The following ADGRD2 variants were observed in gnomAD, a reference collection of about 807,000 sequenced individuals.
The protein encoded by ADGRD2 is G protein-coupled receptor PGR24.
A neutral mutation model predicts 44.4 loss-of-function variants in ADGRD2; 71 were observed. That is an observed-to-expected ratio of 1.60 (90% CI 1.32 to 1.95). The LOEUF (loss-of-function observed/expected upper bound fraction) is 1.95, where lower values mean the gene tolerates loss of function less well. Ranked by LOEUF, ADGRD2 falls within the 30% of genes most tolerant of loss-of-function variation. The probability of loss-of-function intolerance (pLI) is 0.00; values close to 1 mark genes in which losing one functional copy is unlikely to be tolerated. For missense variants in ADGRD2, 1,039 were observed against 512.4 expected (o/e 2.03, Z -9.92); for synonymous variants, 481 against 224.8 (o/e 2.14, Z -10.19).
chr9:124,457,543 C>T (rs146932394), exon 8 of ADGRD2: 8 of 688,164 alleles, frequency 1.2e-5, no homozygotes, highest in East Asian at 2.7e-5. Flanking sequence ...GCCTGGTGGG[C>T]GTCCAGAGGG....
chr9:124,456,937 T>G (rs1380686463), intron 7 of ADGRD2, among the ~76,000 whole-genome samples: 1 of 152,126 alleles, frequency 6.6e-6, no homozygotes, highest in Non-Finnish European at 1.5e-5. Context: ...TGGGCCTCAC[T>G]CCCTCTAGGA....
chr9:124,469,316 C>T lies in ADGRD2; in HGVS notation c.2484C>T (p.Ala828=), dbSNP rs202133267. 4.0e-4 allele frequency: 288 copies of T among 718,340 alleles called. 1 individual carries two copies. Among genetic ancestry groups the T allele is most frequent in the Admixed American group, 2.4e-3 (122 of 50,032 alleles). The allele number at this position is 718,340 out of a possible 1,614,324, so 44.5% of individuals were successfully genotyped here. Residue 828 remains alanine (A), a synonymous_variant, in exon 15 of 22, where the codon GCC becomes GCT. Coordinates refer to ENST00000334810, the Ensembl canonical transcript of ADGRD2. The stretch of plus-strand genomic sequence containing the variant: ...GCTGGCTCAATGTGCACACAAATGC[C>T]ATCTGGGCCTTCGTGGGGCCTGTGC...
At chr9:124,467,759 A>T (rs1564141944) in exon 12 of ADGRD2, 3 of 718,482 alleles carry the variant, frequency 4.2e-6, no homozygotes, top group Non-Finnish European at 5.2e-6. Flanking sequence ...GGACTCTGTC[A>T]TTTGTGGGCT....
intron 10 of ADGRD2, among the ~76,000 whole-genome samples, chr9:124,459,654 G>GTA (rs1157735471): frequency 1.3e-5 from 2 of 152,120 alleles, no homozygotes; most frequent in Non-Finnish European, 2.9e-5. Flanking sequence ...AAACAAGACA[G>GTA]TATAACAGCT....
At chr9:124,456,717 C>A (rs1426767814) in exon 7 of ADGRD2, 1 of 709,488 alleles carries the variant, frequency 1.4e-6, no homozygotes. Context: ...GAATGCGCAT[C>A]CAGCACCGCC....
rs1275035620 is a variant in ADGRD2, at chr9:124,466,432, G to C, written c.2026+19G>C. 9.0e-6 allele frequency: 6 copies of C among 667,896 alleles called. No individual in the cohort carries two copies. In the East Asian group the frequency reaches 1.7e-4, roughly 19 times the overall value. 41.4% of individuals were successfully genotyped at this position (667,896 alleles called of 1,614,324 possible). On this transcript the variant is annotated intron_variant, in intron 11 of 21. Coordinates refer to ENST00000334810, the Ensembl canonical transcript of ADGRD2. ...AGTACAGGTGAGTGCACGGTGGGAG[G>C]GGGGTGTCAGGAGGGGGCTTCTTAG...
At chr9:124,457,477 G>C in exon 8 of ADGRD2, 1 of 627,620 alleles carries the variant, frequency 1.6e-6, no homozygotes, top group South Asian at 1.8e-5. Flanking sequence ...CCCAGGCCTG[G>C]AGGTGCGGAG....
chr9:124,453,187 G>A (rs987686700), exon 3 of ADGRD2: 1 of 686,426 alleles, frequency 1.5e-6, no homozygotes, highest in East Asian at 2.8e-5. Context: ...GCTCTTCTCC[G>A]TTGCCGCGCC....
At chr9:124,477,432 C>T (rs1003883493) in intron 21 of ADGRD2, among the ~76,000 whole-genome samples, 11 of 152,232 alleles carry the variant, frequency 7.2e-5, no homozygotes, top group African/African-American at 1.9e-4. Flanking sequence ...CTCCCAGGGG[C>T]AGGTTCAGTG....
intron 17 of ADGRD2, among the ~76,000 whole-genome samples, chr9:124,475,217 G>C (rs1246264833): frequency 1.3e-5 from 2 of 152,226 alleles, no homozygotes; most frequent in African/African-American, 4.8e-5. Flanking sequence ...CTGAAGGCTG[G>C]GGTTGCACTG....
chr9:124,471,991 G>A (rs1831953194), intron 17 of ADGRD2, among the ~76,000 whole-genome samples: 2 of 152,324 alleles, frequency 1.3e-5, no homozygotes, highest in South Asian at 4.1e-4. Context: ...CTGTCACACG[G>A]TGGGGCAGGT....
rs1370198350 is a variant in ADGRD2, at chr9:124,457,457, C to T, written c.1506-15C>T. ...TCACTCCGAGGTCCAGCCACCCAGC[C>T]CCATTTACCCCCAGGCCTGGAGGTG... On this transcript the variant is annotated splice_polypyrimidine_tract_variant and intron_variant, in intron 7 of 21. Coordinates refer to ENST00000334810, the Ensembl canonical transcript of ADGRD2. 1 of 588,512 alleles carries T rather than the reference C, an allele frequency of 1.7e-6. No homozygotes were observed. Among genetic ancestry groups the T allele is most frequent in the Non-Finnish European group, 3.1e-6 (1 of 323,900 alleles). 36.5% of individuals were successfully genotyped at this position (588,512 alleles called of 1,614,324 possible).
At chr9:124,457,146 C>T (rs537363948) in intron 7 of ADGRD2, among the ~76,000 whole-genome samples, 12 of 152,336 alleles carry the variant, frequency 7.9e-5, no homozygotes, top group Admixed American at 3.9e-4. Context: ...GTACACACTC[C>T]GTGAATGTTT....
intron 10 of ADGRD2, among the ~76,000 whole-genome samples, chr9:124,461,535 A>G (rs988287269): frequency 6.6e-6 from 1 of 152,178 alleles, no homozygotes; most frequent in African/African-American, 2.4e-5. Context: ...TGAAAAGATT[A>G]TTCTTTGCTC....
At chr9:124,473,666 G>T (rs1324011971) in intron 17 of ADGRD2, among the ~76,000 whole-genome samples, 3 of 152,224 alleles carry the variant, frequency 2.0e-5, no homozygotes, top group Non-Finnish European at 4.4e-5. Context: ...GACATTCTCA[G>T]CCTGAGGGAG....
intron 17 of ADGRD2, among the ~76,000 whole-genome samples, chr9:124,473,414 C>T (rs1217405543): frequency 1.3e-5 from 2 of 152,196 alleles, no homozygotes; most frequent in East Asian, 1.9e-4. Context: ...ACCAGGCCTC[C>T]GTTTCTACGT....
intron 10 of ADGRD2, among the ~76,000 whole-genome samples, chr9:124,464,777 C>CT (rs35249018): frequency 0.56 from 85,801 of 151,960 alleles, 24,613 homozygotes; most frequent in Middle Eastern, 0.68. Context: ...GTTAAGTTCA[C>CT]TGCATGTTTG....
intron 17 of ADGRD2, 45 bp downstream of exon 20, chr9:124,470,659 G>C (rs887615847): frequency 1.5e-6 from 1 of 682,498 alleles, no homozygotes; most frequent in Non-Finnish European, 2.7e-6. Context: ...TGACATGCAC[G>C]AAAGCTCAGA....
intron 21 of ADGRD2, chr9:124,477,130 G>A (rs984754778): frequency 2.3e-5 from 11 of 468,096 alleles, no homozygotes; most frequent in Non-Finnish European, 4.4e-5. Context: ...TTCCAAACCC[G>A]CTGAGGGAGA....
Sources: allele counts gnomAD v4.1 joint callset (sites outside exome capture counted in the v4.1 genomes callset), GRCh38; gene constraint gnomAD v4.1.1; transcripts MANE v1.5; gene names NCBI Gene and HGNC (gene_info 2026-07-23, HGNC 2026-07-21).